SELENOV: variants seen among roughly 807,000 people sequenced by gnomAD.
SELENOV encodes selenoprotein V.
In SELENOV, 25 loss-of-function variants were observed where a neutral mutation model predicts 21.6. The ratio of observed to expected loss-of-function variants is 1.16; its 90% CI spans 0.84 to 1.62. The LOEUF is 1.62. Ranked by LOEUF, SELENOV falls within the 40% of genes most tolerant of loss-of-function variation. The pLI, the probability that SELENOV is intolerant of heterozygous loss-of-function variation, is 0.00. For synonymous variants in SELENOV, 227 were observed against 216.9 expected, an observed-to-expected ratio of 1.05 and a Z score of -0.41; for missense variants, 472 against 459.0, an observed-to-expected ratio of 1.03 and a Z score of -0.26.
chr19:39,515,454 T>C lies in SELENOV; in HGVS notation c.242T>C (p.Ile81Thr), dbSNP rs1423127482. Residue 81 changes from isoleucine (I) to threonine (T), a missense_variant, in exon 1 of 6, where the codon ATC becomes ACC. By Grantham distance (89) the Ile-to-Thr change is moderately conservative. Coordinates refer to ENST00000335426, the Ensembl canonical transcript of SELENOV. The surrounding 1 kb of genome is among the most constrained non-coding windows in gnomAD (Gnocchi z 5.1). ...GTCCCCACTCCCGCTCTGGCCCGGATCCCCCGTCTGGTTCCGCCTCCTGCT... is the reference window on the plus strand; with the variant it reads ...GTCCCCACTCCCGCTCTGGCCCGGACCCCCCGTCTGGTTCCGCCTCCTGCT... The C allele has an allele frequency of 6.4e-7, 1 of 1,550,730 alleles. No homozygotes were observed.
In SELENOV at chr19:39,515,419, T is replaced by TCCCACTCTGGTC; in HGVS notation, c.215_226dup (p.Leu72_Thr75dup). ...TCCTGACTCCTGCTCCAGCCCAGAT[T>TCCCACTCTGGTC]CCCACTCTGGTCCCCACTCCCGCTC... On this transcript the variant is annotated inframe_insertion, in exon 1 of 6. Transcript: ENST00000335426. This position sits in a 1 kb window ranked among gnomAD's most constrained non-coding sequence, Gnocchi z 5.1. 1 of 1,551,254 alleles carries TCCCACTCTGGTC rather than the reference T, an allele frequency of 6.4e-7. No individual in the cohort carries two copies. Among genetic ancestry groups the TCCCACTCTGGTC allele is most frequent in the Non-Finnish European group, 8.7e-7 (1 of 1,146,884 alleles).
At chr19:39,518,703 TC>T in intron 2 of SELENOV, 36 bp from the exon 3 acceptor site, 1 of 1,613,056 alleles carries the variant, frequency 6.2e-7, no homozygotes, top group African/African-American at 1.3e-5. Context: ...CTGTTTCCCC[TC>T]CCCTGCAACC....
chr19:39,515,792 A>G lies in SELENOV; in HGVS notation c.580A>G (p.Thr194Ala). ...CGGGCCCGCCCCGGGGCCCCTTCCC[A>G]CGCGCACCCCGCTGGCCGCGAACTC... The change falls in exon 1 of 6, where the codon ACG (threonine) becomes GCG (alanine). Residue 194 changes from threonine to alanine, a missense_variant. By Grantham distance (58) the Thr-to-Ala change is moderately conservative. Transcript: ENST00000335426. This position sits in a 1 kb window ranked among gnomAD's most constrained non-coding sequence, Gnocchi z 5.1. 1.3e-6 allele frequency: 2 copies of G among 1,548,486 alleles called. No individual in the cohort carries two copies. The highest frequency in any genetic ancestry group is 1.7e-6 in the Non-Finnish European group (2 of 1,146,122).
chr19:39,517,991 A>AAAAAAAAAAG lies in SELENOV; in HGVS notation c.810-617_810-616insAAAAAAAAAG, dbSNP rs374863818. Among the ~76,000 whole-genome samples the AAAAAAAAAAG allele has an allele frequency of 7.0e-3, 642 of 92,000 alleles. 62 individuals are homozygous for AAAAAAAAAAG. The highest frequency in any genetic ancestry group is 0.014 in the African/African-American group (353 of 25,142). 60.4% of individuals were successfully genotyped at this position (92,000 alleles called of 152,430 possible). A position where few individuals can be genotyped will look rare whatever the true frequency, so the allele number is the denominator to read the frequency against. On this transcript the variant is annotated intron_variant, in intron 1 of 5. Coordinates refer to ENST00000335426, the Ensembl canonical transcript of SELENOV. The stretch of plus-strand genomic sequence containing the variant: ...AAAAAAAAAAAAAAAAAAAAAAAAA[A>AAAAAAAAAAG]GCCCAGCGCGGTGGCTCACGCCTGT...
rs1025477924 is a variant in SELENOV at position 39,515,402 on chromosome 19, C to G, written c.190C>G (p.Pro64Ala). Reference sequence around the variant, plus strand: ...CGGGACTTCCCCTCTGGTCCTGACTCCTGCTCCAGCCCAGATTCCCACTCT... The same window carrying G: ...CGGGACTTCCCCTCTGGTCCTGACTGCTGCTCCAGCCCAGATTCCCACTCT... The change falls in exon 1 of 6, where the codon CCT becomes GCT. Residue 64 changes from proline to alanine, a missense_variant. Transcript: ENST00000335426. The surrounding 1 kb of genome is among the most constrained non-coding windows in gnomAD (Gnocchi z 5.1). 43 of 1,551,496 alleles carry G rather than the reference C, an allele frequency of 2.8e-5. No homozygotes were observed. The highest frequency in any genetic ancestry group is 3.4e-5 in the Non-Finnish European group (39 of 1,146,964).
chr19:39,518,294 C>CAAAAAAAAAAAAAAAA (rs56055153), intron 1 of SELENOV, among the ~76,000 whole-genome samples: 6 of 107,174 alleles, frequency 5.6e-5, no homozygotes, highest in East Asian at 3.0e-4. Flanking sequence ...AACAAAAAAA[C>CAAAAAAAAAAAAAAAA]AAAAAAAAAA....
At chr19:39,518,553 G>C (rs754531894) in intron 1 of SELENOV, 55 bp from the exon 2 acceptor site, 21 of 1,533,066 alleles carry the variant, frequency 1.4e-5, no homozygotes, top group Non-Finnish European at 1.8e-5. Flanking sequence ...AGATACTGAT[G>C]CGGTGTCTTC....
chr19:39,518,457 T>A, intron 1 of SELENOV, 151 bp from the exon 2 acceptor site: 1 of 764,716 alleles, frequency 1.3e-6, no homozygotes, highest in South Asian at 1.7e-5. Context: ...GTTTTTCCCC[T>A]GCGTGAGATG....
chr19:39,518,286 C>CAAAAAAAAAAAAAAAAAAAAA, intron 1 of SELENOV, among the ~76,000 whole-genome samples: 1 of 112,148 alleles, frequency 8.9e-6, no homozygotes, highest in Non-Finnish European at 1.8e-5. Flanking sequence ...AACAAAAAAA[C>CAAAAAAAAAAAAAAAAAAAAA]AAAAAAACAA....
intron 1 of SELENOV, 87 bp downstream of exon 1, chr19:39,516,108 T>TGGG (rs1026698318): frequency 8.2e-6 from 10 of 1,213,884 alleles, no homozygotes; most frequent in Non-Finnish European, 1.1e-5. Flanking sequence ...AGGTCAGGGT[T>TGGG]GGGGTAGGGC....
Position 39,516,263 on chromosome 19 carries a change from C to G in SELENOV, c.809+242C>G, listed in dbSNP as rs1053628431. 1.0e-5 allele frequency: 7 copies of G among 670,808 alleles called. No homozygotes were observed. In the Admixed American group the frequency reaches 1.2e-4, roughly 12 times the overall value. The allele number at this position is 670,808 out of a possible 1,614,324, so 41.6% of individuals were successfully genotyped here. ...GCTTCATTCATTCGTTTCTGAGTGC[C>G]CCGCGGGCCAAGTGCCAGGCCTGTG... On this transcript the variant is annotated intron_variant, in intron 1 of 5. Coordinates refer to ENST00000335426, the Ensembl canonical transcript of SELENOV.
At chr19:39,519,732 G>A (rs1262536092) in intron 5 of SELENOV, among the ~76,000 whole-genome samples, 4 of 151,576 alleles carry the variant, frequency 2.6e-5, no homozygotes, top group African/African-American at 7.3e-5. Context: ...TTGGGAGGCC[G>A]AGGCGGGCGG....
chr19:39,516,344 C>T (rs988123355), intron 1 of SELENOV: 55 of 499,382 alleles, frequency 1.1e-4, no homozygotes, highest in African/African-American at 1.0e-3. Flanking sequence ...CCAGCAAGAC[C>T]AACCCAAAGA....
chr19:39,515,993 A>C lies in SELENOV; in HGVS notation c.781A>C (p.Lys261Gln), dbSNP rs2079695242. 1 of 1,600,564 alleles carries C rather than the reference A, an allele frequency of 6.2e-7. No individual in the cohort carries two copies. Among genetic ancestry groups the C allele is most frequent in the East Asian group, 2.3e-5 (1 of 44,364 alleles). Residue 261 changes from lysine to glutamine, a missense_variant, in exon 1 of 6, where the codon AAG becomes CAG. Lys to Gln is a moderately conservative substitution (Grantham distance 53). Transcript: ENST00000335426. The surrounding 1 kb of genome is among the most constrained non-coding windows in gnomAD (Gnocchi z 5.1). ...CTCCAGCGAGAACTTCGCGCTGGAC[A>C]AGAGGGTCCTGATTCGAGTGACCTA...
chr19:39,519,736 C>T (rs1362868756), intron 5 of SELENOV, among the ~76,000 whole-genome samples: 4 of 151,208 alleles, frequency 2.6e-5, no homozygotes, highest in South Asian at 4.2e-4. Context: ...GAGGCCGAGG[C>T]GGGCGGGTCA....
Position 39,515,341 on chromosome 19 carries a change from C to G in SELENOV, c.129C>G (p.Ile43Met), listed in dbSNP as rs372527012. The change falls in exon 1 of 6, where the codon ATC (isoleucine) becomes ATG (methionine). Residue 43 changes from isoleucine to methionine, a missense_variant. By Grantham distance (10) the Ile-to-Met change is conservative. Coordinates refer to ENST00000335426, the Ensembl canonical transcript of SELENOV. The surrounding 1 kb of genome is among the most constrained non-coding windows in gnomAD (Gnocchi z 5.1). ...CTCCGGTCCGGACTCGGACCCCCAT[C>G]CGGACCCTGACTCCAGTCCTGACTC... The G allele has an allele frequency of 5.0e-5, 78 of 1,551,370 alleles. No homozygotes were observed. The highest frequency in any genetic ancestry group is 6.7e-5 in the Non-Finnish European group (77 of 1,146,928).
chr19:39,519,145 G>A (rs758949658), exon 5 of SELENOV: 2 of 1,613,746 alleles, frequency 1.2e-6, no homozygotes, highest in Non-Finnish European at 1.7e-6. Context: ...TCAAGAAAAG[G>A]TAGCCGGCAA....
intron 1 of SELENOV, among the ~76,000 whole-genome samples, chr19:39,517,136 G>A (rs925907243): frequency 3.9e-5 from 6 of 152,242 alleles, no homozygotes; most frequent in Admixed American, 6.5e-5. Flanking sequence ...TGGGATTACA[G>A]GTGTGAGCCA....
chr19:39,515,984 G>T lies in SELENOV; in HGVS notation c.772G>T (p.Ala258Ser). The T allele has an allele frequency of 6.2e-7, 1 of 1,603,868 alleles. No homozygotes were observed. Among genetic ancestry groups the T allele is most frequent in the Non-Finnish European group, 8.5e-7 (1 of 1,175,730 alleles). The stretch of plus-strand genomic sequence containing the variant: ...CTTCCCCTCCTCCAGCGAGAACTTC[G>T]CGCTGGACAAGAGGGTCCTGATTCG... The change falls in exon 1 of 6, where the codon GCG becomes TCG. Residue 258 changes from alanine (A) to serine (S), a missense_variant. Transcript: ENST00000335426. This position sits in a 1 kb window ranked among gnomAD's most constrained non-coding sequence, Gnocchi z 5.1.
Sources: gnomAD v4.1 joint callset for allele counts (sites outside exome capture counted in the v4.1 genomes callset) on GRCh38, gnomAD v4.1.1 for gene constraint, Gnocchi (gnomAD v3.1) non-coding constraint, MANE v1.5 for transcripts, NCBI Gene and HGNC (gene_info 2026-07-23, HGNC 2026-07-21) for gene names.